The following SLC39A12 variants were observed in gnomAD, a reference collection of about 807,000 sequenced individuals.
SLC39A12 encodes zinc transporter ZIP12.
SLC39A12 carries 63 observed loss-of-function variants against 71.1 expected under a neutral mutation model. That is an observed-to-expected ratio of 0.89 (90% CI 0.72 to 1.09). The LOEUF is 1.09. Among genes scored for constraint, SLC39A12 ranks in the 50% least tolerant of loss-of-function variants. SLC39A12 has a pLI of 0.00. For synonymous variants in SLC39A12, 351 were observed against 301.3 expected (o/e 1.16, Z -1.71); for missense variants, 892 against 812.6 (o/e 1.10, Z -1.19).
At chr10:18,031,796 T>C (rs2130892891) in intron 12 of SLC39A12, among the ~76,000 whole-genome samples, 1 of 45,968 alleles carries the variant, frequency 2.2e-5, no homozygotes, top group South Asian at 7.5e-4. Flanking sequence ...AACGTTTAAA[T>C]CTTTAATCCA....
At chr10:18,036,317 C>G (rs562228708) in intron 12 of SLC39A12, among the ~76,000 whole-genome samples, 1 of 152,260 alleles carries the variant, frequency 6.6e-6, no homozygotes, top group East Asian at 1.9e-4. Flanking sequence ...GGGCGTAGGA[C>G]CCTCCGAGCC....
intron 4 of SLC39A12, 36 bp downstream of exon 4, chr10:17,965,726 C>T (rs11011754): frequency 0.2 from 299,760 of 1,536,418 alleles, 31,284 homozygotes; most frequent in Non-Finnish European, 0.21. Context: ...TTCCAAGTCA[C>T]ACCTGCTAAA....
At chr10:18,003,692 A>G (rs2007909) in intron 12 of SLC39A12, among the ~76,000 whole-genome samples, 45,460 of 152,034 alleles carry the variant, frequency 0.3, 7,675 homozygotes, top group Non-Finnish European at 0.39. Flanking sequence ...ATTCGATTCC[A>G]GCTTTGTACC....
chr10:17,959,643 G>A (rs369555299), intron 2 of SLC39A12, among the ~76,000 whole-genome samples: 1 of 152,302 alleles, frequency 6.6e-6, no homozygotes, highest in South Asian at 2.1e-4. Flanking sequence ...TCGTGGGGCT[G>A]CTTCTCAGAT....
At chr10:17,976,943 A>G (rs1401295508) in intron 4 of SLC39A12, among the ~76,000 whole-genome samples, 1 of 152,108 alleles carries the variant, frequency 6.6e-6, no homozygotes. Context: ...ACATTGGTAT[A>G]CTTGCTCTTG....
intron 12 of SLC39A12, among the ~76,000 whole-genome samples, chr10:18,033,122 G>C (rs1197522870): frequency 1.4e-5 from 2 of 141,420 alleles, no homozygotes; most frequent in Admixed American, 7.2e-5. Flanking sequence ...TTTTTTGGTT[G>C]TGTCTCTGCC....
intron 6 of SLC39A12, among the ~76,000 whole-genome samples, chr10:17,983,179 A>G (rs1408968749): frequency 2.3e-5 from 3 of 132,600 alleles, no homozygotes; most frequent in African/African-American, 1.1e-4. Flanking sequence ...AAAAAAAAAA[A>G]AAAAAAAAAA....
At chr10:17,955,869 A>G (rs968515296) in intron 2 of SLC39A12, among the ~76,000 whole-genome samples, 4 of 152,218 alleles carry the variant, frequency 2.6e-5, no homozygotes, top group African/African-American at 9.6e-5. Context: ...TTTAATGAAC[A>G]TCGTGAGAGA....
At chr10:17,978,254 CAT>C (rs1481151741) in intron 5 of SLC39A12, among the ~76,000 whole-genome samples, 180 bp downstream of exon 5, 1 of 152,136 alleles carries the variant, frequency 6.6e-6, no homozygotes, top group Non-Finnish European at 1.5e-5. Context: ...TCTCTGTAGA[CAT>C]AAAAACAAAG....
chr10:17,995,634 G>GT lies in SLC39A12; in HGVS notation c.1534-20dup, dbSNP rs757347498. 8 of 1,606,204 alleles carry GT rather than the reference G, an allele frequency of 5.0e-6. No individual in the cohort carries two copies. In the Admixed American group the frequency reaches 1.4e-4, roughly 27 times the overall value. On this transcript the variant is annotated intron_variant, in intron 9 of 12. Transcript: ENST00000377369. ...GATGGCCATTACTTATCTTTCATCA[G>GT]TTATTTTTTAATTTAAAATAGAAAA...
chr10:18,008,749 A>G (rs751682226), intron 12 of SLC39A12: 2 of 152,076 alleles, frequency 1.3e-5, no homozygotes, highest in African/African-American at 4.8e-5. Context: ...CTATCTATCA[A>G]TTGCTTTATA....
chr10:18,013,168 T>G (rs1836277645), intron 12 of SLC39A12, among the ~76,000 whole-genome samples: 1 of 151,252 alleles, frequency 6.6e-6, no homozygotes, highest in Non-Finnish European at 1.5e-5. Context: ...GATATTACAA[T>G]AAGTTAAAAA....
chr10:17,991,488 G>A (rs1025963897), intron 8 of SLC39A12, among the ~76,000 whole-genome samples, 185 bp downstream of exon 8: 1 of 152,036 alleles, frequency 6.6e-6, no homozygotes, highest in Non-Finnish European at 1.5e-5. Flanking sequence ...TCTATTCCTG[G>A]GCAGTTAATG....
chr10:18,000,902 A>T, intron 11 of SLC39A12, 77 bp downstream of exon 11: 6 of 1,370,442 alleles, frequency 4.4e-6, no homozygotes, highest in Non-Finnish European at 6.0e-6. Context: ...GTTTACTAGG[A>T]TTCTTTTTCT....
At chr10:17,985,999 T>C (rs993517123) in intron 6 of SLC39A12, among the ~76,000 whole-genome samples, 1 of 152,214 alleles carries the variant, frequency 6.6e-6, no homozygotes, top group African/African-American at 2.4e-5. Context: ...CTGAAAATAA[T>C]ATCACCCTGG....
intron 12 of SLC39A12, among the ~76,000 whole-genome samples, chr10:18,037,925 C>T (rs1837105884): frequency 7.1e-6 from 1 of 141,414 alleles, no homozygotes; most frequent in African/African-American, 2.6e-5. Context: ...GCGACTGAGG[C>T]AGGGGAATTG....
At chr10:17,999,094 C>T (rs908574349) in intron 10 of SLC39A12, among the ~76,000 whole-genome samples, 1 of 151,828 alleles carries the variant, frequency 6.6e-6, no homozygotes, top group Non-Finnish European at 1.5e-5. Context: ...GTCAGGAGTT[C>T]GAGACCAGCC....
chr10:17,962,878 C>T (rs1008459544), intron 3 of SLC39A12, among the ~76,000 whole-genome samples: 2 of 152,076 alleles, frequency 1.3e-5, no homozygotes, highest in Non-Finnish European at 2.9e-5. Context: ...TTCCTAGGCC[C>T]AGTGCAGTGG....
At chr10:18,012,091 G>A (rs1177150337) in intron 12 of SLC39A12, among the ~76,000 whole-genome samples, 1 of 152,090 alleles carries the variant, frequency 6.6e-6, no homozygotes, top group Non-Finnish European at 1.5e-5. Context: ...AAAACAGTGG[G>A]AACAAACCGC....
Sources: gnomAD v4.1 joint callset for allele counts (sites outside exome capture counted in the v4.1 genomes callset) on GRCh38, gnomAD v4.1.1 for gene constraint, MANE v1.5 for transcripts, NCBI Gene and HGNC (gene_info 2026-07-23, HGNC 2026-07-21) for gene names.